RGS7: variants seen among roughly 807,000 people sequenced by gnomAD.
RGS7 encodes regulator of G protein signaling 7, also known as regulator of G-protein signaling 7.
A neutral mutation model predicts 81.1 loss-of-function variants in RGS7; 27 were observed. The observed-to-expected ratio is 0.33, with a 90% CI of 0.25 to 0.46. The LOEUF (loss-of-function observed/expected upper bound fraction) is 0.46. Ranked by LOEUF, RGS7 falls within the 20% of genes least tolerant of loss-of-function variation. RGS7 has a pLI of 1.00. For synonymous variants in RGS7, 208 were observed against 207.7 expected, an observed-to-expected ratio of 1.00 and a Z score of -0.01; for missense variants, 396 against 607.4, an observed-to-expected ratio of 0.65 and a Z score of 3.66.
At chr1:241,278,040 T>G (rs997888380) in intron 2 of RGS7, among the ~76,000 whole-genome samples, 2 of 152,238 alleles carry the variant, frequency 1.3e-5, no homozygotes, top group African/African-American at 4.8e-5. Flanking sequence ...ATGTTGTCTT[T>G]GTTTTGCCCG....
rs1558204055 is a variant in RGS7, at chr1:241,221,051, GAAAGAA to G, written c.79-122295_79-122290del. 1.8e-4 allele frequency among the ~76,000 whole-genome samples: 20 copies of G among 113,664 alleles called. No homozygotes were observed. In the South Asian group the frequency reaches 3.7e-3, roughly 21 times the overall value. 74.6% of individuals were successfully genotyped at this position (113,664 alleles called of 152,430 possible). On this transcript the variant is annotated intron_variant, in intron 2 of 18. Transcript: ENST00000440928. ...GAAGGAAGGAAGGAAAAGAAAGAAA[GAAAGAA>G]AGAGAGAGAGAGAGAAAGGAAGGAA...
At chr1:240,813,591 G>C (rs1426581053) in intron 13 of RGS7, 27 bp downstream of exon 13, 1 of 1,342,722 alleles carries the variant, frequency 7.4e-7, no homozygotes, top group South Asian at 1.2e-5. Context: ...AGCAACATAT[G>C]GGCGAGAAAG....
chr1:240,922,026 T>C (rs1044372462), intron 6 of RGS7, among the ~76,000 whole-genome samples: 3 of 151,688 alleles, frequency 2.0e-5, no homozygotes, highest in African/African-American at 7.3e-5. Context: ...CGAGGCAGTG[T>C]GGTATTGGCA....
intron 3 of RGS7, among the ~76,000 whole-genome samples, chr1:241,028,384 C>T (rs1173846045): frequency 1.3e-5 from 2 of 152,124 alleles, no homozygotes; most frequent in Admixed American, 1.3e-4. Flanking sequence ...GAAATACATA[C>T]AATTATAGCT....
intron 6 of RGS7, among the ~76,000 whole-genome samples, chr1:240,909,660 G>T (rs1671404330): frequency 6.6e-6 from 1 of 152,230 alleles, no homozygotes; most frequent in Non-Finnish European, 1.5e-5. Flanking sequence ...GACAGAAGTA[G>T]TAGGCCAATA....
intron 9 of RGS7, among the ~76,000 whole-genome samples, chr1:240,838,681 G>A (rs1258253030): frequency 6.6e-6 from 1 of 151,962 alleles, no homozygotes. Flanking sequence ...ATGCATCCTC[G>A]CATTCTTACT....
chr1:241,169,736 T>C (rs2070585333), intron 2 of RGS7, among the ~76,000 whole-genome samples: 1 of 152,212 alleles, frequency 6.6e-6, no homozygotes, highest in Admixed American at 6.5e-5. Flanking sequence ...ATTTCTTAGT[T>C]ATAAAATTAG....
At chr1:241,327,080 G>GGAAGGAAGAGAAAGAAAGAAAGAGAA (rs2081590448) in intron 2 of RGS7, among the ~76,000 whole-genome samples, 1 of 49,348 alleles carries the variant, frequency 2.0e-5, no homozygotes. Flanking sequence ...AAGGAAGGAA[G>GGAAGGAAGAGAAAGAAAGAAAGAGAA]AGAAAGAAAG....
intron 2 of RGS7, among the ~76,000 whole-genome samples, chr1:241,322,789 C>CCATGCTTA (rs1378805200): frequency 2.0e-5 from 3 of 152,182 alleles, no homozygotes; most frequent in Admixed American, 2.0e-4. Flanking sequence ...AAGTGCTATA[C>CCATGCTTA]AGTCATATCA....
intron 3 of RGS7, among the ~76,000 whole-genome samples, chr1:240,999,895 G>A (rs1055881078): frequency 2.1e-4 from 32 of 152,194 alleles, no homozygotes; most frequent in African/African-American, 7.0e-4. Flanking sequence ...GAGCCACTGA[G>A]CCTGGCCTGA....
intron 6 of RGS7, among the ~76,000 whole-genome samples, chr1:240,890,450 C>T (rs1027085141): frequency 6.6e-6 from 1 of 152,154 alleles, no homozygotes; most frequent in African/African-American, 2.4e-5. Flanking sequence ...CATACCCAGC[C>T]TTGCCTCCTT....
intron 4 of RGS7, among the ~76,000 whole-genome samples, chr1:240,962,312 G>C (rs1681593086): frequency 1.3e-5 from 2 of 152,044 alleles, no homozygotes; most frequent in Admixed American, 1.3e-4. Flanking sequence ...TTTCTCTCCG[G>C]CTCCTGACCT....
intron 3 of RGS7, among the ~76,000 whole-genome samples, chr1:241,059,788 A>G (rs949209065): frequency 2.0e-5 from 3 of 150,590 alleles, no homozygotes; most frequent in Non-Finnish European, 4.4e-5. Flanking sequence ...CATCTATTGG[A>G]TAGCACCTTA....
chr1:241,260,793 T>C (rs975382513), intron 2 of RGS7, among the ~76,000 whole-genome samples: 4 of 152,118 alleles, frequency 2.6e-5, no homozygotes, highest in African/African-American at 9.7e-5. Flanking sequence ...TGTCTCATTC[T>C]GCTAAATCCT....
chr1:240,874,065 C>A (rs1664942964), intron 6 of RGS7, among the ~76,000 whole-genome samples: 1 of 152,024 alleles, frequency 6.6e-6, no homozygotes, highest in Non-Finnish European at 1.5e-5. Flanking sequence ...TTAATAGACT[C>A]GAAGGAGGTG....
At chr1:241,036,499 C>T (rs1369457666) in intron 3 of RGS7, among the ~76,000 whole-genome samples, 1 of 152,184 alleles carries the variant, frequency 6.6e-6, no homozygotes, top group African/African-American at 2.4e-5. Context: ...ACATTTATTA[C>T]ATCCAAAATA....
chr1:240,834,953 CACAA>C (rs745486308), intron 9 of RGS7, among the ~76,000 whole-genome samples: 2 of 141,288 alleles, frequency 1.4e-5, no homozygotes, highest in Non-Finnish European at 3.1e-5. Context: ...CACACACACA[CACAA>C]ACTCAAAATG....
chr1:241,257,405 T>G, intron 2 of RGS7, among the ~76,000 whole-genome samples: 1 of 152,232 alleles, frequency 6.6e-6, no homozygotes, highest in Admixed American at 6.5e-5. Flanking sequence ...ACATAAATTT[T>G]GGAGGGACAT....
intron 4 of RGS7, among the ~76,000 whole-genome samples, chr1:240,946,031 G>C (rs978640525): frequency 6.6e-6 from 1 of 152,028 alleles, no homozygotes; most frequent in Admixed American, 6.6e-5. Context: ...TGTTAAATAA[G>C]ATGTATTAAA....
Sources: gnomAD v4.1 joint callset for allele counts (sites outside exome capture counted in the v4.1 genomes callset) on GRCh38, gnomAD v4.1.1 for gene constraint, MANE v1.5 for transcripts, NCBI Gene and HGNC (gene_info 2026-07-23, HGNC 2026-07-21) for gene names.